Variants in ERG observed in about 807,000 individuals in gnomAD.
ERG encodes ETS transcription factor ERG, also known as transcriptional regulator ERG.
Under a neutral mutation model 55.3 loss-of-function variants are expected in ERG, and 9 were observed. That is an observed-to-expected ratio of 0.16 (90% CI 0.10 to 0.28). The LOEUF (loss-of-function observed/expected upper bound fraction) is 0.28. Ranked by LOEUF, ERG falls within the 10% of genes least tolerant of loss-of-function variation. The pLI, the probability that ERG is intolerant of heterozygous loss-of-function variation, is 1.00. For missense variants in ERG, 434 were observed against 631.6 expected (o/e 0.69, Z 3.35); for synonymous variants, 223 against 237.3 (o/e 0.94, Z 0.55).
chr21:38,627,306 T>C (rs1240771707), intron 1 of ERG, among the ~76,000 whole-genome samples: 1 of 152,144 alleles, frequency 6.6e-6, no homozygotes, highest in Non-Finnish European at 1.5e-5. Context: ...GAAGTCTACT[T>C]GGAAATGTTC....
intron 1 of ERG, among the ~76,000 whole-genome samples, chr21:38,602,908 G>C (rs2060173230): frequency 6.6e-6 from 1 of 152,024 alleles, no homozygotes; most frequent in South Asian, 2.1e-4. Context: ...GAGAAGTGAA[G>C]GGCAAACCAC....
At chr21:38,567,339 T>A (rs977746910) in intron 2 of ERG, among the ~76,000 whole-genome samples, 4 of 152,208 alleles carry the variant, frequency 2.6e-5, no homozygotes, top group Non-Finnish European at 5.9e-5. Context: ...AATATCTTGA[T>A]ATTTTAAAGC....
At chr21:38,512,295 GA>G (rs141783815) in intron 2 of ERG, among the ~76,000 whole-genome samples, 58 of 152,274 alleles carry the variant, frequency 3.8e-4, no homozygotes, top group African/African-American at 1.3e-3. Context: ...TAACAACAAT[GA>G]AAAAATGTAA....
chr21:38,650,408 G>C (rs2060481854), intron 1 of ERG, among the ~76,000 whole-genome samples: 1 of 145,988 alleles, frequency 6.8e-6, no homozygotes, highest in Non-Finnish European at 1.5e-5. Flanking sequence ...GGCTGAGGCA[G>C]GAGGACTGCC....
intron 2 of ERG, among the ~76,000 whole-genome samples, chr21:38,509,100 A>G (rs2059491791): frequency 6.6e-6 from 1 of 152,168 alleles, no homozygotes; most frequent in Non-Finnish European, 1.5e-5. Context: ...CCAAGCAAAT[A>G]ATATCTATCT....
chr21:38,500,704 TAA>T (rs2059414501), upstream of ERG, among the ~76,000 whole-genome samples: 1 of 152,194 alleles, frequency 6.6e-6, no homozygotes, highest in South Asian at 2.1e-4. Flanking sequence ...TATTGTTTTA[TAA>T]GAGACAAATT....
intron 3 of ERG, among the ~76,000 whole-genome samples, chr21:38,406,704 C>T (rs1988790551): frequency 6.6e-6 from 1 of 151,856 alleles, no homozygotes; most frequent in Admixed American, 6.6e-5. Flanking sequence ...TAAGTTCATT[C>T]TGGGAACAGA....
chr21:38,648,470 G>A (rs564861145), intron 1 of ERG, among the ~76,000 whole-genome samples: 3 of 152,322 alleles, frequency 2.0e-5, no homozygotes, highest in African/African-American at 4.8e-5. Context: ...TTTATGGAGC[G>A]TGGACAGTAA....
intron 2 of ERG, among the ~76,000 whole-genome samples, chr21:38,573,275 C>T (rs971154666): frequency 7.2e-5 from 11 of 152,324 alleles, no homozygotes; most frequent in South Asian, 6.2e-4. Flanking sequence ...ATGAGAAAGA[C>T]CTGACTGTCC....
intron 1 of ERG, among the ~76,000 whole-genome samples, chr21:38,446,704 G>T (rs755953670): frequency 2.6e-5 from 4 of 152,086 alleles, no homozygotes; most frequent in African/African-American, 4.8e-5. Context: ...AAAAAGAAAA[G>T]AACTTTGGAG....
At chr21:38,555,565 T>C (rs971033760) in intron 2 of ERG, among the ~76,000 whole-genome samples, 2 of 152,120 alleles carry the variant, frequency 1.3e-5, no homozygotes, top group African/African-American at 4.8e-5. Flanking sequence ...ATTTTCTTTG[T>C]TCAGTTAACA....
At chr21:38,401,838 G>A (rs145899063) in intron 5 of ERG, among the ~76,000 whole-genome samples, 5 of 152,296 alleles carry the variant, frequency 3.3e-5, no homozygotes, top group African/African-American at 4.8e-5. Flanking sequence ...AGCGGGGGGC[G>A]AGGGAGGAAG....
Position 38,614,801 on chromosome 21 carries a change from A to C in ERG, c.-149-29856T>G, listed in dbSNP as rs531283606. 2.0e-5 allele frequency among the ~76,000 whole-genome samples: 3 copies of C among 152,358 alleles called. No individual in the cohort carries two copies. In the East Asian group the frequency reaches 5.8e-4, roughly 29 times the overall value. ...GACACAGCATGGTCAGCGTGGCCTCAGCAGGGAGTCCCTCCTTTGGGGAAA... is the reference window on the plus strand; with the variant it reads ...GACACAGCATGGTCAGCGTGGCCTCCGCAGGGAGTCCCTCCTTTGGGGAAA... On this transcript the variant is annotated intron_variant, in intron 1 of 10. Transcript: ENST00000398910.
intron 2 of ERG, among the ~76,000 whole-genome samples, chr21:38,436,606 C>T (rs1013233671): frequency 1.1e-4 from 17 of 152,046 alleles, no homozygotes; most frequent in Middle Eastern, 3.2e-3. Context: ...AGTGGTCATC[C>T]GTAAATGTGA....
chr21:38,530,261 T>C (rs2059662812), intron 2 of ERG, among the ~76,000 whole-genome samples: 1 of 152,006 alleles, frequency 6.6e-6, no homozygotes, highest in African/African-American at 2.4e-5. Context: ...GGTTTCATCG[T>C]GTTGGCCAGG....
At chr21:38,594,111 T>C (rs116779702) in intron 1 of ERG, among the ~76,000 whole-genome samples, 299 of 152,318 alleles carry the variant, frequency 2.0e-3, no homozygotes, top group African/African-American at 5.4e-3. Flanking sequence ...AATAGTTCTA[T>C]ACCCATCGGC....
intron 1 of ERG, among the ~76,000 whole-genome samples, chr21:38,618,737 G>A (rs768182626): frequency 7.9e-5 from 12 of 152,192 alleles, no homozygotes; most frequent in Non-Finnish European, 1.3e-4. Context: ...TGGGGCAGGA[G>A]ACAGAGTGAG....
In ERG at chr21:38,381,782, C is replaced by A. The variant is rs1294469935; in HGVS notation, c.*1621G>T. ...TCCATTCCAGGCATAAATATGGAGG[C>A]TCCAATGTGAAACCCGGGGTCCTTC... is the stretch of plus-strand genomic sequence containing the variant. On this transcript the variant is annotated 3_prime_UTR_variant, in exon 10 of 10. Transcript: ENST00000288319. 12 of 1,063,308 alleles carry A rather than the reference C, an allele frequency of 1.1e-5. No homozygotes were observed. The highest frequency in any genetic ancestry group is 1.4e-5 in the Non-Finnish European group (12 of 878,184). 65.9% of individuals were successfully genotyped at this position (1,063,308 alleles called of 1,614,324 possible).
intron 2 of ERG, chr21:38,575,578 A>T: frequency 2.0e-6 from 2 of 993,104 alleles, no homozygotes; most frequent in Non-Finnish European, 3.2e-6. Flanking sequence ...CTGACCCCTA[A>T]TTAACTGATA....
Sources: gnomAD v4.1 joint callset for allele counts (sites outside exome capture counted in the v4.1 genomes callset) on GRCh38, gnomAD v4.1.1 for gene constraint, MANE v1.5 for transcripts, NCBI Gene and HGNC (gene_info 2026-07-23, HGNC 2026-07-21) for gene names.